Variants in KDM5A observed in about 807,000 individuals in gnomAD.
KDM5A encodes lysine demethylase 5A.
Under a neutral mutation model 193.5 loss-of-function variants are expected in KDM5A, and 42 were observed. The ratio of observed to expected loss-of-function variants is 0.22; its 90% CI spans 0.17 to 0.28. The LOEUF is 0.28. Among genes scored for constraint, KDM5A ranks in the 10% least tolerant of loss-of-function variants. The pLI is 1.00. For missense variants in KDM5A, 1,692 were observed against 2,055.1 expected (o/e 0.82, Z 3.42); for synonymous variants, 796 against 718.1 (o/e 1.11, Z -1.73).
At chr12:306,817 C>T (rs1228061925) in intron 24 of KDM5A, 129 bp downstream of exon 24, 2 of 956,624 alleles carry the variant, frequency 2.1e-6, no homozygotes, top group South Asian at 1.4e-5. Flanking sequence ...ACTAAAAACT[C>T]AGAACAGATA....
chr12:297,739 T>C (rs909429819), intron 24 of KDM5A, among the ~76,000 whole-genome samples: 1 of 152,306 alleles, frequency 6.6e-6, no homozygotes, highest in Admixed American at 6.5e-5. Flanking sequence ...ACATAGAATT[T>C]AGAATGAATA....
At chr12:336,454 A>G (rs980607130) in intron 10 of KDM5A, among the ~76,000 whole-genome samples, 4 of 152,164 alleles carry the variant, frequency 2.6e-5, no homozygotes, top group Admixed American at 2.6e-4. Context: ...ATCTATTCCT[A>G]AAGTTCAACA....
intron 3 of KDM5A, among the ~76,000 whole-genome samples, chr12:376,101 C>T (rs1005284511): frequency 5.3e-5 from 8 of 152,224 alleles, no homozygotes; most frequent in African/African-American, 1.9e-4. Flanking sequence ...CTGCTCTCTT[C>T]AAGGCTGTCA....
rs538911010 is a variant in KDM5A, at chr12:328,718, A to G, written c.1968+117T>C. 5.8e-6 allele frequency: 5 copies of G among 855,042 alleles called. No individual in the cohort carries two copies. In the South Asian group the frequency reaches 7.7e-5, roughly 13 times the overall value. The allele number at this position is 855,042 out of a possible 1,614,324, so 53.0% of individuals were successfully genotyped here. The stretch of plus-strand genomic sequence containing the variant: ...TATAAAAATATAAAATCTTCTCCAA[A>G]TCAGTGATCTTTATGCTCAACTCCT... On this transcript the variant is annotated intron_variant, in intron 14 of 27. Coordinates refer to ENST00000399788, the MANE Select transcript of KDM5A (RefSeq NM_001042603.3).
chr12:328,753 G>A (rs989640786), intron 14 of KDM5A, 82 bp downstream of exon 14: 4 of 1,224,476 alleles, frequency 3.3e-6, no homozygotes, highest in East Asian at 4.7e-5. Flanking sequence ...TAGGGGATAA[G>A]GGATGAAAAT....
chr12:388,188 G>A, intron 1 of KDM5A: 1 of 420,208 alleles, frequency 2.4e-6, no homozygotes, highest in South Asian at 1.6e-5. Flanking sequence ...AACCTCTTGG[G>A]GCATTAATCC....
chr12:386,497 T>G (rs1011251030), intron 1 of KDM5A, among the ~76,000 whole-genome samples: 3 of 152,148 alleles, frequency 2.0e-5, no homozygotes, highest in African/African-American at 7.2e-5. Context: ...TTACACTTAT[T>G]TCCACTTAAG....
chr12:317,901 AG>A (rs1295962156), intron 19 of KDM5A, among the ~76,000 whole-genome samples: 2 of 152,154 alleles, frequency 1.3e-5, no homozygotes, highest in Non-Finnish European at 2.9e-5. Context: ...GGGAGAGAGG[AG>A]AATCTCCCGG....
intron 5 of KDM5A, among the ~76,000 whole-genome samples, chr12:362,110 T>C (rs1944300765): frequency 6.6e-6 from 1 of 152,156 alleles, no homozygotes; most frequent in African/African-American, 2.4e-5. Context: ...TTAAAATCAA[T>C]GATTAGGATT....
intron 5 of KDM5A, among the ~76,000 whole-genome samples, chr12:357,502 T>TAA (rs962943262): frequency 2.1e-5 from 3 of 142,098 alleles, no homozygotes; most frequent in African/African-American, 2.6e-5. Context: ...ACCCTGTCTT[T>TAA]AAAAAAAAAA....
intron 27 of KDM5A, among the ~76,000 whole-genome samples, chr12:291,023 A>G (rs1222190677): frequency 6.6e-6 from 1 of 152,228 alleles, no homozygotes; most frequent in Non-Finnish European, 1.5e-5. Flanking sequence ...AGAGAAAGTT[A>G]ACTCTTCATC....
chr12:374,922 G>C (rs1277786495), intron 3 of KDM5A, among the ~76,000 whole-genome samples: 1 of 151,994 alleles, frequency 6.6e-6, no homozygotes, highest in Non-Finnish European at 1.5e-5. Context: ...CTGCTGGCTT[G>C]CAGAGTTTCT....
Position 285,629 on chromosome 12 carries a change from C to T in KDM5A, c.4900G>A (p.Glu1634Lys). The change falls in exon 28 of 28, where the codon GAG (glutamate) becomes AAG (lysine). Residue 1634 changes from glutamate (E) to lysine (K), a missense_variant. Around this residue, in one of 11 missense-constraint regions of KDM5A, gnomAD observed 23 missense variants for 61.5 expected, o/e 0.37. Coordinates refer to ENST00000399788, the MANE Select transcript of KDM5A (RefSeq NM_001042603.3). ...DWVQCDGGCDEWFHQVCVGVS... is the reference protein window; with the variant it reads ...DWVQCDGGCDKWFHQVCVGVS... ...CCCACACAAACTTGATGAAACCACT[C>T]ATCACAGCCACCATCACATTGTACC... The T allele has an allele frequency of 6.2e-7, 1 of 1,614,018 alleles. No individual in the cohort carries two copies. Among genetic ancestry groups the T allele is most frequent in the Middle Eastern group, 1.7e-4 (1 of 6,058 alleles).
chr12:318,364 A>T lies in KDM5A; in HGVS notation c.2639T>A (p.Met880Lys), dbSNP rs373825473. The T allele has an allele frequency of 2.5e-6, 4 of 1,614,088 alleles. No homozygotes were observed. The highest frequency in any genetic ancestry group is 3.4e-6 in the Non-Finnish European group (4 of 1,180,016). Residue 880 changes from methionine to lysine, a missense_variant, in exon 19 of 28, where the codon ATG (methionine) becomes AAG (lysine). Transcript: ENST00000399788. ...DSSKLQMLID[M>K]GSSLYVELPE... Reference sequence around the variant, plus strand: ...GAGTTCCACATAGAGACTAGAGCCCATATCTATCAACATCTGGAGTTTGGA... The same window carrying T: ...GAGTTCCACATAGAGACTAGAGCCCTTATCTATCAACATCTGGAGTTTGGA...
At chr12:373,023 T>C (rs1183738570) in intron 3 of KDM5A, among the ~76,000 whole-genome samples, 1 of 152,246 alleles carries the variant, frequency 6.6e-6, no homozygotes, top group African/African-American at 2.4e-5. Context: ...TTCGCATCGA[T>C]GTTCATCAGG....
chr12:371,047 G>A (rs1211217559), intron 3 of KDM5A, among the ~76,000 whole-genome samples: 4 of 146,686 alleles, frequency 2.7e-5, no homozygotes, highest in Non-Finnish European at 6.0e-5. Flanking sequence ...CCAAGTCTTT[G>A]CTATTGTGAA....
At chr12:373,150 T>C (rs973170500) in intron 3 of KDM5A, among the ~76,000 whole-genome samples, 11 of 152,336 alleles carry the variant, frequency 7.2e-5, no homozygotes, top group African/African-American at 2.6e-4. Flanking sequence ...TTGACTGGAA[T>C]AGTTTCAGAA....
At chr12:339,463 TTAGAGAA>T (rs1943974397) in intron 10 of KDM5A, among the ~76,000 whole-genome samples, 1 of 152,222 alleles carries the variant, frequency 6.6e-6, no homozygotes. Context: ...ACATTTTTGC[TTAGAGAA>T]TAAACAGCAA....
chr12:363,188 C>G, intron 4 of KDM5A, 91 bp from the exon 5 acceptor site: 1 of 1,423,100 alleles, frequency 7.0e-7, no homozygotes. Flanking sequence ...GCCAATGAAT[C>G]CCTAAAACTA....
Sources: gnomAD v4.1 joint callset for allele counts (sites outside exome capture counted in the v4.1 genomes callset) on GRCh38, gnomAD v4.1.1 for gene constraint, gnomAD v4.1.1 regional missense constraint, MANE v1.5 for transcripts, NCBI Gene and HGNC (gene_info 2026-07-23, HGNC 2026-07-21) for gene names.